The following ANKFN1 variants were observed in gnomAD, a reference collection of about 807,000 sequenced individuals.
ANKFN1 encodes ankyrin repeat and fibronectin type-III domain-containing protein 1.
In ANKFN1, 74 loss-of-function variants were observed where a neutral mutation model predicts 108.7. The ratio of observed to expected loss-of-function variants is 0.68; its 90% CI spans 0.56 to 0.83. The LOEUF (loss-of-function observed/expected upper bound fraction) is 0.83, where lower values mean the gene tolerates loss of function less well. ANKFN1 is among the 40% of genes least tolerant of loss of function. The pLI, the probability that ANKFN1 is intolerant of heterozygous loss-of-function variation, is 0.00. For missense variants in ANKFN1, 1,505 were observed against 1,382.3 expected, an observed-to-expected ratio of 1.09 and a Z score of -1.41; for synonymous variants, 547 against 516.2, an observed-to-expected ratio of 1.06 and a Z score of -0.81.
intron 4 of ANKFN1, among the ~76,000 whole-genome samples, chr17:56,131,884 A>G: frequency 6.6e-6 from 1 of 152,210 alleles, no homozygotes; most frequent in African/African-American, 2.4e-5. Flanking sequence ...AAAGATGAGA[A>G]CATTATAGTG....
At chr17:56,185,784 T>C (rs772543644) in intron 1 of ANKFN1, among the ~76,000 whole-genome samples, 3 of 152,206 alleles carry the variant, frequency 2.0e-5, no homozygotes, top group Non-Finnish European at 2.9e-5. Context: ...GCCATGGCCA[T>C]TTTAATATGT....
intron 8 of ANKFN1, among the ~76,000 whole-genome samples, 165 bp downstream of exon 8, chr17:56,374,879 C>G (rs554649168): frequency 1.3e-5 from 2 of 152,136 alleles, no homozygotes; most frequent in African/African-American, 4.8e-5. Flanking sequence ...TGTAAAGGAA[C>G]AATCAAGTGA....
intron 4 of ANKFN1, among the ~76,000 whole-genome samples, chr17:56,143,746 G>A (rs929421226): frequency 6.6e-6 from 1 of 152,134 alleles, no homozygotes; most frequent in African/African-American, 2.4e-5. Context: ...AGGGATATGT[G>A]ACACAGAGAC....
Position 56,121,928 on chromosome 17 carries a change from G to A in ANKFN1, c.288+75603G>A, listed in dbSNP as rs554666749. 7.9e-5 allele frequency among the ~76,000 whole-genome samples: 12 copies of A among 152,302 alleles called. No individual in the cohort carries two copies. The South Asian group carries it at 1.9e-3, about 24-fold the overall frequency. ...GTTAGACATTCCTCAGGAAGGTGCT[G>A]GGGTTTTAGGGTAGCAGGGGTTGCT... is the stretch of plus-strand genomic sequence containing the variant. On this transcript the variant is annotated intron_variant, in intron 4 of 12. Coordinates refer to the ANKFN1 transcript ENST00000635860.
intron 4 of ANKFN1, among the ~76,000 whole-genome samples, chr17:56,137,221 CA>C (rs1907652032): frequency 6.6e-6 from 1 of 152,142 alleles, no homozygotes; most frequent in Admixed American, 6.6e-5. Flanking sequence ...ATGAGTTTCC[CA>C]GCAGAAAATG....
chr17:56,158,088 C>A (rs1276500887), intron 1 of ANKFN1, among the ~76,000 whole-genome samples: 1 of 152,194 alleles, frequency 6.6e-6, no homozygotes, highest in African/African-American at 2.4e-5. Context: ...TCCCACTGAT[C>A]CAATGAACAG....
Position 56,492,305 on chromosome 17 carries a change from G to A in ANKFN1, c.2379G>A (p.Glu793=), listed in dbSNP as rs1283937475. The change falls in exon 19 of 21, where the codon GAG becomes GAA. Residue 793 remains glutamate, a synonymous_variant. Transcript: ENST00000682825. ...TCAGGGAAGCAATCTCAGACAGCGAGGTTGCAGCTGCCAAACAAAGACACC... is the reference window on the plus strand; with the variant it reads ...TCAGGGAAGCAATCTCAGACAGCGAAGTTGCAGCTGCCAAACAAAGACACC... ...QSLREAISDS[E]VAAAKQRHQQ... The A allele has an allele frequency of 2.8e-6, 2 of 702,418 alleles. No homozygotes were observed. Among genetic ancestry groups the A allele is most frequent in the African/African-American group, 1.7e-5 (1 of 57,202 alleles). The allele number at this position is 702,418 out of a possible 1,614,324, so 43.5% of individuals were successfully genotyped here. A position where few individuals can be genotyped will look rare whatever the true frequency, so the allele number is the denominator to read the frequency against.
At chr17:56,088,886 A>C (rs1238885142) in intron 4 of ANKFN1, among the ~76,000 whole-genome samples, 1 of 151,356 alleles carries the variant, frequency 6.6e-6, no homozygotes, top group African/African-American at 2.4e-5. Context: ...GCCCAGAGGG[A>C]AAAAGGAGGC....
chr17:56,117,122 G>T (rs1206745508), intron 4 of ANKFN1, among the ~76,000 whole-genome samples: 2 of 151,968 alleles, frequency 1.3e-5, no homozygotes, highest in East Asian at 3.8e-4. Flanking sequence ...GTCACCCCAT[G>T]GTATTATATT....
intron 3 of ANKFN1, among the ~76,000 whole-genome samples, chr17:56,290,562 C>T (rs1051369158): frequency 1.6e-4 from 24 of 152,202 alleles, no homozygotes; most frequent in Admixed American, 1.6e-3. Flanking sequence ...TGAGTTGCAG[C>T]CAGGGCATTC....
intron 8 of ANKFN1, among the ~76,000 whole-genome samples, chr17:56,396,538 C>T (rs568639957): frequency 1.3e-5 from 2 of 152,090 alleles, no homozygotes; most frequent in Admixed American, 1.3e-4. Flanking sequence ...GAAGAAACTT[C>T]TGGTTTTTTT....
At chr17:56,168,189 C>T (rs900092902) in intron 1 of ANKFN1, among the ~76,000 whole-genome samples, 1 of 151,426 alleles carries the variant, frequency 6.6e-6, no homozygotes, top group Non-Finnish European at 1.5e-5. Context: ...ATTGCTTGAA[C>T]CCGTGAAGCA....
At chr17:56,188,442 TAA>T (rs1912462834) in intron 1 of ANKFN1, among the ~76,000 whole-genome samples, 1 of 150,544 alleles carries the variant, frequency 6.6e-6, no homozygotes, top group Non-Finnish European at 1.5e-5. Flanking sequence ...TATGAAATAA[TAA>T]GAGATAATAA....
At chr17:56,485,709 C>T (rs558217876) in intron 18 of ANKFN1, among the ~76,000 whole-genome samples, 8 of 152,120 alleles carry the variant, frequency 5.3e-5, no homozygotes, top group South Asian at 2.1e-4. Flanking sequence ...ATTCATTTGA[C>T]GATGACTAGA....
At chr17:56,239,168 A>G (rs1917392694) in intron 3 of ANKFN1, among the ~76,000 whole-genome samples, 1 of 152,172 alleles carries the variant, frequency 6.6e-6, no homozygotes, top group Non-Finnish European at 1.5e-5. Context: ...GGATTGTAAG[A>G]TATAGATATT....
At chr17:56,236,583 T>C (rs1243229635) in intron 3 of ANKFN1, among the ~76,000 whole-genome samples, 1 of 151,682 alleles carries the variant, frequency 6.6e-6, no homozygotes, top group Admixed American at 6.6e-5. Flanking sequence ...GCTGAAGGAG[T>C]TTTTAGGCCA....
At chr17:56,367,808 A>G (rs1189078025) in intron 6 of ANKFN1, among the ~76,000 whole-genome samples, 2 of 152,246 alleles carry the variant, frequency 1.3e-5, no homozygotes. Flanking sequence ...GGCAGGAATG[A>G]TAAAACAGAC....
chr17:56,119,684 A>T (rs376913530), intron 4 of ANKFN1, among the ~76,000 whole-genome samples: 1 of 152,178 alleles, frequency 6.6e-6, no homozygotes, highest in Non-Finnish European at 1.5e-5. Flanking sequence ...GTTCAATTAT[A>T]CTTTATTAAT....
chr17:56,082,809 A>C (rs1389904585), intron 4 of ANKFN1, among the ~76,000 whole-genome samples: 1 of 152,046 alleles, frequency 6.6e-6, no homozygotes, highest in Non-Finnish European at 1.5e-5. Context: ...TGTACCGTTC[A>C]GTGAACTTGG....
Sources: allele counts gnomAD v4.1 joint callset (sites outside exome capture counted in the v4.1 genomes callset), GRCh38; gene constraint gnomAD v4.1.1; transcripts MANE v1.5; gene names NCBI Gene and HGNC (gene_info 2026-07-23, HGNC 2026-07-21).